NOL7: variants seen among roughly 807,000 people sequenced by gnomAD.
The protein encoded by NOL7 is nucleolar protein 7.
Under a neutral mutation model 38.4 loss-of-function variants are expected in NOL7, and 36 were observed. The ratio of observed to expected loss-of-function variants is 0.94; its 90% CI spans 0.72 to 1.24. The LOEUF is 1.24. Ranked by LOEUF, NOL7 falls within the 50% of genes most tolerant of loss-of-function variation. NOL7 has a pLI of 0.00. For missense variants in NOL7, 350 were observed against 315.1 expected, an observed-to-expected ratio of 1.11 and a Z score of -0.84; for synonymous variants, 142 against 126.5, an observed-to-expected ratio of 1.12 and a Z score of -0.82.
rs1386550054 is a variant in NOL7 at position 13,626,798 on chromosome 6, A to C, written n.574-5595A>C. ...TAGGTTCAGCTGCTCAAAAAACCAG[A>C]TTCCACACCCATTTTCCATCATTTC... On this transcript the variant is annotated intron_variant and non_coding_transcript_variant, in intron 8 of 8. Coordinates refer to the NOL7 transcript ENST00000474485. Among the ~76,000 whole-genome samples, 10 of 152,280 alleles carry C rather than the reference A, an allele frequency of 6.6e-5. 1 individual carries two copies. In the South Asian group the frequency reaches 1.0e-3, roughly 16 times the overall value.
chr6:13,616,407 C>T (rs1359038496), intron 2 of NOL7, 56 bp from the exon 3 acceptor site: 24 of 1,286,226 alleles, frequency 1.9e-5, no homozygotes, highest in Non-Finnish European at 2.5e-5. Flanking sequence ...AGAAGCAACT[C>T]CGGACATACT....
At position 13,618,087 on chromosome 6, in the gene NOL7, G is replaced by A. The variant is rs781692387; in HGVS notation, c.448G>A (p.Glu150Lys). ...TTTGCAAAAGAAAAATGAAGACTGT[G>A]AAAAAGGAAATGACTCCAAGAAAGT... ...VNLQKKNEDC[E>K]KGNDSKKVKV... is the part of the protein sequence containing the mutation. The change falls in exon 5 of 8, where the codon GAA becomes AAA. Residue 150 changes from glutamate (E) to lysine (K), a missense_variant. Physicochemically the swap from Glu to Lys is moderately conservative, Grantham distance 56. Coordinates refer to ENST00000451315, the MANE Select transcript of NOL7 (RefSeq NM_016167.5). 2.3e-5 allele frequency: 37 copies of A among 1,578,276 alleles called. No homozygotes were observed. Among genetic ancestry groups the A allele is most frequent in the Non-Finnish European group, 3.0e-5 (35 of 1,150,658 alleles).
At chr6:13,622,332 AAT>A, downstream of NOL7, 1 of 1,486,974 alleles carries the variant, frequency 6.7e-7, no homozygotes, top group East Asian at 2.4e-5. Context: ...TATATGCCAC[AAT>A]ATAAGTGTGA....
In NOL7 at chr6:13,618,143, A is replaced by G. The variant is rs751859334; in HGVS notation, c.500+4A>G. ...TACAAAAAGTACAGTCTGTCAGGTA[A>G]TGAGTCTTTTGTTTCATTTGGGATG... On this transcript the variant is annotated splice_donor_region_variant and intron_variant, in intron 5 of 7. Coordinates refer to ENST00000451315, the MANE Select transcript of NOL7 (RefSeq NM_016167.5). The G allele has an allele frequency of 1.3e-6, 2 of 1,535,430 alleles. No homozygotes were observed. The highest frequency in any genetic ancestry group is 1.8e-5 in the Admixed American group (1 of 56,972).
intron 8 of NOL7, among the ~76,000 whole-genome samples, chr6:13,628,739 C>A (rs889110020): frequency 2.0e-5 from 3 of 152,182 alleles, no homozygotes; most frequent in Admixed American, 1.3e-4. Flanking sequence ...TGGTTTAAAG[C>A]CTGCTGTAAA....
At chr6:13,625,781 G>A (rs374733943), downstream of NOL7, 204 of 1,525,890 alleles carry the variant, frequency 1.3e-4, 1 homozygote, top group Middle Eastern at 1.9e-3. Context: ...AAAACACATC[G>A]ATTTGGTTTT....
chr6:13,615,597 A>C lies in NOL7; in HGVS notation c.239A>C (p.Glu80Ala). 1 of 1,586,220 alleles carries C rather than the reference A, an allele frequency of 6.3e-7. No homozygotes were observed. Among genetic ancestry groups the C allele is most frequent in the Middle Eastern group, 1.7e-4 (1 of 6,032 alleles). ...GCCCAGGCGGAAGCGAGAGAAGAGGAGCGGCGAGTGCGGGAGACCGTGCGC... is the reference window on the plus strand; with the variant it reads ...GCCCAGGCGGAAGCGAGAGAAGAGGCGCGGCGAGTGCGGGAGACCGTGCGC... The part of the protein sequence containing the change: ...ASAQAEAREE[E>A]RRVRETVRRD... The change falls in exon 1 of 8, where the codon GAG (glutamate) becomes GCG (alanine). Residue 80 changes from glutamate (E) to alanine (A), a missense_variant. By Grantham distance (107) the Glu-to-Ala change is moderately radical (BLOSUM62 -1). Transcript: ENST00000451315.
At chr6:13,627,859 C>T (rs1015332151) in intron 8 of NOL7, among the ~76,000 whole-genome samples, 3 of 151,996 alleles carry the variant, frequency 2.0e-5, no homozygotes, top group African/African-American at 4.8e-5. Flanking sequence ...TGTGAAATGT[C>T]GCACTCCCAA....
downstream of NOL7, chr6:13,622,181 T>C (rs1764469765): frequency 2.0e-6 from 1 of 512,132 alleles, no homozygotes. Flanking sequence ...GAAAATAATT[T>C]CTCCTAACAC....
At chr6:13,629,700 A>G (rs1764720464) in intron 8 of NOL7, among the ~76,000 whole-genome samples, 1 of 152,180 alleles carries the variant, frequency 6.6e-6, no homozygotes, top group South Asian at 2.1e-4. Flanking sequence ...AAAATTCAAT[A>G]AACAGCTGCT....
intron 8 of NOL7, among the ~76,000 whole-genome samples, chr6:13,631,828 T>A (rs1764790802): frequency 1.3e-5 from 2 of 152,324 alleles, no homozygotes; most frequent in South Asian, 4.1e-4. Context: ...TCCTATCAGC[T>A]CATGGACAAC....
chr6:13,620,465 A>G lies in NOL7; in HGVS notation c.680A>G (p.Gln227Arg). The change falls in exon 7 of 8, where the codon CAG (glutamine) becomes CGG (arginine). Residue 227 changes from glutamine (Q) to arginine (R), a missense_variant. Gln to Arg is a conservative substitution (Grantham distance 43). Coordinates refer to ENST00000451315, the MANE Select transcript of NOL7 (RefSeq NM_016167.5). ...KRLPVKRAAVQFLNNAWGIQK... is the reference protein window; with the variant it reads ...KRLPVKRAAVRFLNNAWGIQK... ...TTACCAGTGAAAAGAGCTGCTGTCCAGTTTTTGAATAATGCTTGGGGTAAG... is the reference window on the plus strand; with the variant it reads ...TTACCAGTGAAAAGAGCTGCTGTCCGGTTTTTGAATAATGCTTGGGGTAAG... The G allele has an allele frequency of 6.2e-7, 1 of 1,614,064 alleles. No homozygotes were observed.
intron 3 of NOL7, among the ~76,000 whole-genome samples, 194 bp downstream of exon 3, chr6:13,616,715 TC>T (rs1293798792): frequency 2.6e-5 from 4 of 152,236 alleles, no homozygotes; most frequent in Admixed American, 1.3e-4. Flanking sequence ...TTTTGTTCAT[TC>T]CCATAGCTAG....
Position 13,615,424 on chromosome 6 carries a change from C to T in NOL7, c.66C>T (p.Gly22=). The change falls in exon 1 of 8, where the codon GGC becomes GGT. Residue 22 remains glycine (G), a synonymous_variant. Transcript: ENST00000451315. The part of the protein sequence containing the change: ...PASAEAMVDE[G]QLASEEEEAE... ...CGGCGGAGGCGATGGTGGACGAGGGCCAGCTGGCCTCGGAGGAGGAGGAGG... is the reference window on the plus strand; with the variant it reads ...CGGCGGAGGCGATGGTGGACGAGGGTCAGCTGGCCTCGGAGGAGGAGGAGG... 1 of 1,547,018 alleles carries T rather than the reference C, an allele frequency of 6.5e-7. No individual in the cohort carries two copies. The highest frequency in any genetic ancestry group is 8.7e-7 in the Non-Finnish European group (1 of 1,145,754).
intron 8 of NOL7, among the ~76,000 whole-genome samples, chr6:13,628,338 A>G (rs1215197193): frequency 1.3e-5 from 2 of 152,234 alleles, no homozygotes; most frequent in Non-Finnish European, 2.9e-5. Context: ...AAAGGCTTAC[A>G]TGTAAATAAA....
At chr6:13,625,619 T>C (rs1207057026), downstream of NOL7, 5 of 1,463,818 alleles carry the variant, frequency 3.4e-6, no homozygotes, top group Admixed American at 8.4e-5. Context: ...TCAGAGAATC[T>C]AACTGAAATT....
intron 5 of NOL7, among the ~76,000 whole-genome samples, chr6:13,619,396 C>CG (rs1562290966): frequency 4.6e-4 from 70 of 152,190 alleles, no homozygotes; most frequent in African/African-American, 1.5e-3. Flanking sequence ...CACAGGCATT[C>CG]ATTTGAGTTG....
rs904021185 is a variant in NOL7, at chr6:13,621,068, C to T, written c.*241C>T. Reference sequence around the variant, plus strand: ...ATTCAAGCCATACCCACATCAGCAACAGCACCTCTTCTACTCTCCCCGGGT... The same window carrying T: ...ATTCAAGCCATACCCACATCAGCAATAGCACCTCTTCTACTCTCCCCGGGT... On this transcript the variant is annotated 3_prime_UTR_variant, in exon 8 of 8. Transcript: ENST00000451315. The T allele has an allele frequency of 3.0e-5, 8 of 269,318 alleles. No individual in the cohort carries two copies. The highest frequency in any genetic ancestry group is 1.6e-4 in the African/African-American group (7 of 45,158). 16.7% of individuals were successfully genotyped at this position (269,318 alleles called of 1,614,324 possible).
chr6:13,616,505 A>C lies in NOL7; in HGVS notation c.370A>C (p.Thr124Pro). The stretch of plus-strand genomic sequence containing the variant: ...AGACACTATTTTGGAGAAGTTAACC[A>C]CAGCTTCACAGACTAAGTAAGTAAT... ...LPDTILEKLT[T>P]ASQTNIKKSP... Residue 124 changes from threonine to proline, a missense_variant, in exon 3 of 8, where the codon ACA becomes CCA. Thr to Pro is a conservative substitution (Grantham distance 38). Coordinates refer to ENST00000451315, the MANE Select transcript of NOL7 (RefSeq NM_016167.5). 6.2e-7 allele frequency: 1 copy of C among 1,607,842 alleles called. No individual in the cohort carries two copies. Among genetic ancestry groups the C allele is most frequent in the Non-Finnish European group, 8.5e-7 (1 of 1,176,814 alleles).
Sources: allele counts gnomAD v4.1 joint callset (sites outside exome capture counted in the v4.1 genomes callset), GRCh38; gene constraint gnomAD v4.1.1; transcripts MANE v1.5; gene names NCBI Gene and HGNC (gene_info 2026-07-23, HGNC 2026-07-21).